Variants in DLGAP2 observed in about 807,000 individuals in gnomAD.
The protein encoded by DLGAP2 is disks large-associated protein 2.
A neutral mutation model predicts 100.3 loss-of-function variants in DLGAP2; 26 were observed. That is an observed-to-expected ratio of 0.26 (90% CI 0.19 to 0.36). The LOEUF is 0.36. Among genes scored for constraint, DLGAP2 ranks in the 10% least tolerant of loss-of-function variants. DLGAP2 has a pLI of 1.00. For synonymous variants in DLGAP2, 886 were observed against 630.1 expected (o/e 1.41, Z -6.08); for missense variants, 1,858 against 1,453.2 (o/e 1.28, Z -4.53).
At chr8:1,297,473 G>A (rs1420262087) in intron 3 of DLGAP2, among the ~76,000 whole-genome samples, 3 of 151,708 alleles carry the variant, frequency 2.0e-5, no homozygotes, top group African/African-American at 7.3e-5. Context: ...TGCGTGAACA[G>A]ACACTACACG....
intron 2 of DLGAP2, among the ~76,000 whole-genome samples, chr8:938,788 A>G (rs56199868): frequency 0.28 from 42,425 of 152,094 alleles, 6,674 homozygotes; most frequent in Admixed American, 0.38. Context: ...CACAGGGGCC[A>G]CGGGAGCCAG....
chr8:1,174,607 A>G (rs1797212330), intron 2 of DLGAP2, among the ~76,000 whole-genome samples: 1 of 151,792 alleles, frequency 6.6e-6, no homozygotes, highest in South Asian at 2.1e-4. Flanking sequence ...TCATCATTAC[A>G]TCACCAAAAT....
intron 2 of DLGAP2, among the ~76,000 whole-genome samples, chr8:1,104,392 C>G (rs528586679): frequency 6.6e-6 from 1 of 152,230 alleles, no homozygotes; most frequent in South Asian, 2.1e-4. Context: ...GGAGAGGGTT[C>G]CAGCCACAGG....
intron 1 of DLGAP2, among the ~76,000 whole-genome samples, chr8:830,464 A>G (rs1796760668): frequency 6.6e-6 from 1 of 152,142 alleles, no homozygotes; most frequent in Non-Finnish European, 1.5e-5. Flanking sequence ...GACCCTTCCC[A>G]GCCACTGGAG....
intron 3 of DLGAP2, among the ~76,000 whole-genome samples, chr8:1,298,247 T>A (rs1197541549): frequency 1.3e-5 from 2 of 152,158 alleles, no homozygotes; most frequent in Non-Finnish European, 1.5e-5. Flanking sequence ...TCAGCATCTT[T>A]ATAAGTGATC....
At chr8:999,563 C>G (rs983762983) in intron 2 of DLGAP2, among the ~76,000 whole-genome samples, 1 of 151,430 alleles carries the variant, frequency 6.6e-6, no homozygotes, top group Non-Finnish European at 1.5e-5. Flanking sequence ...ACTGCAAACT[C>G]CACCTTGTAG....
chr8:1,632,253 G>A (rs527285436), intron 7 of DLGAP2, among the ~76,000 whole-genome samples: 20 of 152,194 alleles, frequency 1.3e-4, no homozygotes, highest in Admixed American at 3.3e-4. Context: ...TTCTCATCTG[G>A]ACTCAGATAT....
At position 1,469,665 on chromosome 8, in the gene DLGAP2, G is replaced by A. The variant is rs114390549; in HGVS notation, c.107-31701G>A. Among the ~76,000 whole-genome samples the A allele has an allele frequency of 9.8e-3, 1,489 of 152,280 alleles. 25 individuals are homozygous for A. Among genetic ancestry groups the A allele is most frequent in the African/African-American group, 0.034 (1,424 of 41,548 alleles). On this transcript the variant is annotated intron_variant, in intron 3 of 14. Coordinates refer to ENST00000637795, the MANE Select transcript of DLGAP2 (RefSeq NM_001346810.2). The stretch of plus-strand genomic sequence containing the variant: ...TGCCTCACCCCAAGATGATTCTCAC[G>A]TCAGAAGCACCTGCTCTGCACGTGC...
intron 3 of DLGAP2, among the ~76,000 whole-genome samples, chr8:1,350,403 C>A (rs1206496187): frequency 2.5e-5 from 2 of 78,972 alleles, no homozygotes; most frequent in African/African-American, 9.4e-5. Flanking sequence ...CCGCGCGGGT[C>A]CTGACTGTGC....
At chr8:973,808 G>A (rs992172578) in intron 2 of DLGAP2, among the ~76,000 whole-genome samples, 121 of 145,166 alleles carry the variant, frequency 8.3e-4, no homozygotes, top group Middle Eastern at 3.4e-3. Flanking sequence ...TCCGGGGCTC[G>A]GGCCCGTGGC....
At chr8:1,647,488 CAAAAAAAAAAAAAAAAAAAAAA>C (rs567451595) in intron 8 of DLGAP2, among the ~76,000 whole-genome samples, 6 of 44,980 alleles carry the variant, frequency 1.3e-4, no homozygotes, top group Admixed American at 5.6e-4. Context: ...GACTCTGTCT[CAAAAAAAAAAAAAAAAAAAAAA>C]AAAAAAAAAA....
rs752634990 is a variant in DLGAP2, at chr8:1,697,167, G to A, written c.2817G>A (p.Arg939=). 3 of 1,598,980 alleles carry A rather than the reference G, an allele frequency of 1.9e-6. No homozygotes were observed. The highest frequency in any genetic ancestry group is 2.6e-6 in the Non-Finnish European group (3 of 1,171,328). ...QQNMDPSAMP[R]PTSQDLAGYW... is the part of the protein sequence containing the mutation. ...CCCAGGACCCCAGCGCCATGCCGAG[G>A]CCGACGTCGCAGGACCTGGCCGGCT... The change falls in exon 14 of 15, where the codon AGG becomes AGA. Residue 939 remains arginine (R), a synonymous_variant. Coordinates refer to ENST00000637795, the MANE Select transcript of DLGAP2 (RefSeq NM_001346810.2).
chr8:1,613,552 AAAAG>A (rs1041282509), intron 6 of DLGAP2, among the ~76,000 whole-genome samples: 12 of 151,438 alleles, frequency 7.9e-5, no homozygotes, highest in East Asian at 3.9e-4. Context: ...TAAAAAAAAA[AAAAG>A]AAAAGAAAAG....
At chr8:833,594 G>C (rs1421864300) in intron 1 of DLGAP2, among the ~76,000 whole-genome samples, 1 of 152,136 alleles carries the variant, frequency 6.6e-6, no homozygotes, top group African/African-American at 2.4e-5. Context: ...GTGGGCCATG[G>C]CTAGTCCAGG....
At chr8:797,167 A>C (rs7461510) in intron 1 of DLGAP2, among the ~76,000 whole-genome samples, 150,151 of 152,292 alleles carry the variant, frequency 0.99, 74,054 homozygotes, top group Middle Eastern at 1. Flanking sequence ...CCACCCAAGA[A>C]GAAGACGTCC....
At chr8:1,387,945 G>C (rs1433258026) in intron 3 of DLGAP2, among the ~76,000 whole-genome samples, 1 of 152,244 alleles carries the variant, frequency 6.6e-6, no homozygotes, top group South Asian at 2.1e-4. Context: ...GGTTACGGGT[G>C]GGTTAGCGAT....
intron 3 of DLGAP2, among the ~76,000 whole-genome samples, chr8:1,424,783 A>G (rs1014214182): frequency 3.3e-5 from 5 of 151,682 alleles, no homozygotes; most frequent in East Asian, 3.9e-4. Context: ...CAGAAGGCCG[A>G]ATAGGACAAG....
intron 3 of DLGAP2, among the ~76,000 whole-genome samples, chr8:1,319,636 C>T (rs1011817075): frequency 2.6e-5 from 4 of 152,104 alleles, no homozygotes; most frequent in Non-Finnish European, 4.4e-5. Context: ...GAGAAAAGGG[C>T]CTGGAGAGTG....
At position 946,484 on chromosome 8, in the gene DLGAP2, C is replaced by T. The variant is rs567640485; in HGVS notation, c.73+38518C>T. On this transcript the variant is annotated intron_variant, in intron 2 of 14. Coordinates refer to ENST00000637795, the MANE Select transcript of DLGAP2 (RefSeq NM_001346810.2). ...TTCACCATATTAGCCAGGATGGTCTCGATCTCCTGACCTTGTGATCTGCCC... is the reference window on the plus strand; with the variant it reads ...TTCACCATATTAGCCAGGATGGTCTTGATCTCCTGACCTTGTGATCTGCCC... Among the ~76,000 whole-genome samples the T allele has an allele frequency of 1.7e-4, 26 of 152,062 alleles. 1 individual carries two copies. The highest frequency in any genetic ancestry group is 8.3e-4 in the South Asian group (4 of 4,806).
Sources: gnomAD v4.1 joint callset for allele counts (sites outside exome capture counted in the v4.1 genomes callset) on GRCh38, gnomAD v4.1.1 for gene constraint, MANE v1.5 for transcripts, NCBI Gene and HGNC (gene_info 2026-07-23, HGNC 2026-07-21) for gene names.